The following CNBD1 variants were observed in gnomAD, a reference collection of about 807,000 sequenced individuals.
The protein encoded by CNBD1 is cyclic nucleotide binding domain containing 1.
A neutral mutation model predicts 54.4 loss-of-function variants in CNBD1; 71 were observed. The ratio of observed to expected loss-of-function variants is 1.30; its 90% confidence interval spans 1.08 to 1.59. CNBD1 has a LOEUF of 1.59. Ranked by LOEUF, CNBD1 falls within the 40% of genes most tolerant of loss-of-function variation. The probability of loss-of-function intolerance (pLI) is 0.00; values close to 1 mark genes in which losing one functional copy is unlikely to be tolerated. For missense variants in CNBD1, 659 were observed against 518.0 expected (o/e 1.27, Z -2.64); for synonymous variants, 182 against 170.7 (o/e 1.07, Z -0.51).
intron 10 of CNBD1, among the ~76,000 whole-genome samples, chr8:87,356,170 A>C (rs1025645341): frequency 6.6e-6 from 1 of 152,190 alleles, no homozygotes; most frequent in African/African-American, 2.4e-5. Flanking sequence ...TCAGATATTC[A>C]TTAATGACAA....
chr8:87,233,055 A>G (rs1807479227), intron 5 of CNBD1, among the ~76,000 whole-genome samples: 1 of 152,186 alleles, frequency 6.6e-6, no homozygotes, highest in African/African-American at 2.4e-5. Flanking sequence ...GGTTATGTAT[A>G]TTAGTTTTAA....
intron 8 of CNBD1, among the ~76,000 whole-genome samples, chr8:87,333,125 T>G (rs1255917757): frequency 1.3e-5 from 2 of 152,198 alleles, no homozygotes; most frequent in South Asian, 2.1e-4. Context: ...TTTTATTCTC[T>G]TCATAGCAAT....
intron 8 of CNBD1, among the ~76,000 whole-genome samples, chr8:87,327,282 G>T (rs1319820657): frequency 6.7e-6 from 1 of 149,130 alleles, no homozygotes; most frequent in East Asian, 2.0e-4. Flanking sequence ...GCCCCCAGAG[G>T]TGGAGCCTAC....
intron 4 of CNBD1, among the ~76,000 whole-genome samples, chr8:87,151,772 G>T: frequency 6.6e-6 from 1 of 152,156 alleles, no homozygotes; most frequent in South Asian, 2.1e-4. Flanking sequence ...ATTTTGAAAG[G>T]CTGTATTATA....
intron 4 of CNBD1, among the ~76,000 whole-genome samples, chr8:87,013,792 G>A (rs929266998): frequency 1.3e-5 from 2 of 151,116 alleles, no homozygotes; most frequent in Non-Finnish European, 2.9e-5. Context: ...ATGTTTAATT[G>A]GCAGTTAAAT....
At chr8:87,273,934 C>T (rs1230773516) in intron 6 of CNBD1, among the ~76,000 whole-genome samples, 3 of 126,878 alleles carry the variant, frequency 2.4e-5, no homozygotes, top group African/African-American at 5.9e-5. Context: ...CCCCCCACCC[C>T]ACAACAGTCC....
intron 10 of CNBD1, among the ~76,000 whole-genome samples, chr8:87,372,831 T>C (rs1272679877): frequency 2.0e-5 from 3 of 151,760 alleles, no homozygotes; most frequent in African/African-American, 7.2e-5. Context: ...TATGCTTCCT[T>C]TTTATAGATG....
intron 10 of CNBD1, among the ~76,000 whole-genome samples, chr8:87,363,454 A>G (rs1209822047): frequency 6.6e-6 from 1 of 151,724 alleles, no homozygotes; most frequent in Admixed American, 6.6e-5. Flanking sequence ...ACTAATTTAG[A>G]CTCCCACCAA....
intron 10 of CNBD1, among the ~76,000 whole-genome samples, chr8:87,356,432 A>G (rs546405980): frequency 1.3e-5 from 2 of 152,320 alleles, no homozygotes; most frequent in South Asian, 2.1e-4. Context: ...AAAATGGAAT[A>G]AAGTGTATCC....
chr8:87,264,894 A>G (rs1224332123), intron 6 of CNBD1, among the ~76,000 whole-genome samples: 2 of 151,638 alleles, frequency 1.3e-5, no homozygotes, highest in Non-Finnish European at 2.9e-5. Context: ...TAGATTTCGG[A>G]TATTAGCCCT....
intron 6 of CNBD1, among the ~76,000 whole-genome samples, chr8:87,242,905 A>G (rs144366783): frequency 1.3e-5 from 2 of 152,222 alleles, no homozygotes; most frequent in African/African-American, 4.8e-5. Flanking sequence ...TCTTGTATCA[A>G]TTACTAGCTA....
chr8:87,385,808 C>G (rs1395006570), downstream of CNBD1, among the ~76,000 whole-genome samples: 2 of 152,168 alleles, frequency 1.3e-5, no homozygotes. Context: ...TGAGAACGGA[C>G]AGACTGCCTC....
At chr8:87,364,339 A>G (rs903722636) in intron 10 of CNBD1, among the ~76,000 whole-genome samples, 1 of 151,752 alleles carries the variant, frequency 6.6e-6, no homozygotes, top group South Asian at 2.1e-4. Context: ...CCACTCATAA[A>G]CTTTGTAAAT....
At chr8:87,189,799 G>C (rs1813560277) in intron 4 of CNBD1, among the ~76,000 whole-genome samples, 1 of 152,120 alleles carries the variant, frequency 6.6e-6, no homozygotes, top group South Asian at 2.1e-4. Context: ...AAAATCAATT[G>C]TTATTCTGTT....
At chr8:86,931,261 T>C (rs566537824) in intron 3 of CNBD1, among the ~76,000 whole-genome samples, 1 of 151,986 alleles carries the variant, frequency 6.6e-6, no homozygotes, top group Non-Finnish European at 1.5e-5. Context: ...CAGGAAGAAG[T>C]CAATTTCCTG....
chr8:87,038,317 A>G (rs1809991963), intron 4 of CNBD1, among the ~76,000 whole-genome samples: 2 of 152,156 alleles, frequency 1.3e-5, no homozygotes, highest in Non-Finnish European at 2.9e-5. Context: ...CACTGAGTTT[A>G]ATTGACGCGA....
At chr8:87,068,991 A>G (rs1049635897) in intron 4 of CNBD1, among the ~76,000 whole-genome samples, 1 of 152,104 alleles carries the variant, frequency 6.6e-6, no homozygotes, top group African/African-American at 2.4e-5. Context: ...ACAAAACTGC[A>G]TGCTGCATGT....
At chr8:87,024,346 T>C (rs1306027169) in intron 4 of CNBD1, among the ~76,000 whole-genome samples, 1 of 151,806 alleles carries the variant, frequency 6.6e-6, no homozygotes, top group Non-Finnish European at 1.5e-5. Context: ...TAATTTATTT[T>C]ATTTATCTTT....
In CNBD1 at chr8:87,334,700, T is replaced by C. The variant is rs575014587; in HGVS notation, c.1043-16985T>C. ...TGTGGTTTTGAGTGAGTTTTCTTTT[T>C]TCTTTTCTTTTCTTTTTTCTTTTCT... On this transcript the variant is annotated intron_variant, in intron 8 of 10. Coordinates refer to ENST00000518476, the MANE Select transcript of CNBD1 (RefSeq NM_173538.3). Among the ~76,000 whole-genome samples, 9 of 149,722 alleles carry C rather than the reference T, an allele frequency of 6.0e-5. No individual in the cohort carries two copies. The East Asian group carries it at 1.7e-3, about 29-fold the overall frequency.
Sources: allele counts gnomAD v4.1 joint callset (sites outside exome capture counted in the v4.1 genomes callset), GRCh38; gene constraint gnomAD v4.1.1; transcripts MANE v1.5; gene names NCBI Gene and HGNC (gene_info 2026-07-23, HGNC 2026-07-21).